Variants in C12orf42 observed in about 807,000 individuals in gnomAD.
C12orf42 encodes the protein uncharacterized protein C12orf42.
Under a neutral mutation model 21.6 loss-of-function variants are expected in C12orf42, and 25 were observed. That is an observed-to-expected ratio of 1.16 (90% confidence interval 0.84 to 1.62). The LOEUF (loss-of-function observed/expected upper bound fraction) is 1.62. Ranked by LOEUF, C12orf42 falls within the 40% of genes most tolerant of loss-of-function variation. The probability of loss-of-function intolerance (pLI) is 0.00; values close to 1 mark genes in which losing one functional copy is unlikely to be tolerated. For synonymous variants in C12orf42, 174 were observed against 175.0 expected, an observed-to-expected ratio of 0.99 and a Z score of 0.05; for missense variants, 483 against 459.3, an observed-to-expected ratio of 1.05 and a Z score of -0.47.
At chr12:103,470,105 G>A (rs544865245) in intron 2 of C12orf42, among the ~76,000 whole-genome samples, 4 of 152,294 alleles carry the variant, frequency 2.6e-5, no homozygotes, top group African/African-American at 9.6e-5. Flanking sequence ...TCCCATCCCA[G>A]CGTTCCTAAG....
intron 4 of C12orf42, among the ~76,000 whole-genome samples, chr12:103,352,438 T>A (rs1304291321): frequency 6.6e-6 from 1 of 152,166 alleles, no homozygotes; most frequent in African/African-American, 2.4e-5. Context: ...TTCAAGACTT[T>A]GCTTTTCTCC....
intron 4 of C12orf42, among the ~76,000 whole-genome samples, chr12:103,324,789 T>G (rs1216675955): frequency 6.6e-6 from 1 of 152,174 alleles, no homozygotes; most frequent in African/African-American, 2.4e-5. Flanking sequence ...ACAGAATTAT[T>G]TGGAAGAAAA....
the C12orf42 span, among the ~76,000 whole-genome samples, chr12:103,213,842 G>C: frequency 1.3e-5 from 2 of 152,154 alleles, no homozygotes; most frequent in African/African-American, 2.4e-5. Flanking sequence ...TTTAAAATCT[G>C]AGTTCTCTGC....
the C12orf42 span, among the ~76,000 whole-genome samples, chr12:103,103,059 C>T: frequency 6.6e-6 from 1 of 152,140 alleles, no homozygotes. Context: ...CTTTCCTCCA[C>T]CCTAGTATGC....
At chr12:103,530,282 C>T in the C12orf42 span, among the ~76,000 whole-genome samples, 3 of 152,168 alleles carry the variant, frequency 2.0e-5, no homozygotes, top group Non-Finnish European at 4.4e-5. Flanking sequence ...ACATGGAGCC[C>T]GGCTGACTTA....
the C12orf42 span, among the ~76,000 whole-genome samples, chr12:103,119,291 T>C: frequency 6.6e-6 from 1 of 152,214 alleles, no homozygotes; most frequent in Admixed American, 6.5e-5. Flanking sequence ...TCAGCAGTCA[T>C]TGTGATGATT....
In C12orf42 at chr12:103,458,787, C is replaced by T. The variant is rs185010636; in HGVS notation, c.78+19562G>A. Among the ~76,000 whole-genome samples, 175 of 152,252 alleles carry T rather than the reference C, an allele frequency of 1.1e-3. 2 individuals carry two copies. The highest frequency in any genetic ancestry group is 7.4e-5 in the Non-Finnish European group (5 of 68,022). ...AAGGGCTAACACTCATGGTCTATCA[C>T]TGAACTTCACCTAGTTGGGGAACTA... On this transcript the variant is annotated intron_variant, in intron 2 of 5. Transcript: ENST00000548883.
At chr12:103,530,257 C>A in the C12orf42 span, among the ~76,000 whole-genome samples, 2 of 152,274 alleles carry the variant, frequency 1.3e-5, no homozygotes, top group South Asian at 4.1e-4. Flanking sequence ...CTCTGGAATC[C>A]GAACTGTCAG....
chr12:103,489,346 C>A (rs1320259672), intron 1 of C12orf42, among the ~76,000 whole-genome samples: 1 of 152,200 alleles, frequency 6.6e-6, no homozygotes, highest in Non-Finnish European at 1.5e-5. Flanking sequence ...GGGCACCCAC[C>A]TGTATGAGGT....
the C12orf42 span, among the ~76,000 whole-genome samples, chr12:103,536,306 A>T: frequency 6.6e-6 from 1 of 152,150 alleles, no homozygotes; most frequent in Non-Finnish European, 1.5e-5. Flanking sequence ...AGATCTGTAC[A>T]TCTTGAGTTT....
rs943465872 is a variant in C12orf42 at position 103,410,808 on chromosome 12, T to C, written c.79-9133A>G. Among the ~76,000 whole-genome samples the C allele has an allele frequency of 4.3e-4, 65 of 152,188 alleles. 1 individual carries two copies. Among genetic ancestry groups the C allele is most frequent in the Admixed American group, 3.3e-4 (5 of 15,284 alleles). ...ATCAGATTAAAAGTAGAAGACTCTG[T>C]ATGTTCATGTCTATTCACACTCTTG... is the stretch of plus-strand genomic sequence containing the variant. On this transcript the variant is annotated intron_variant, in intron 2 of 5. Coordinates refer to ENST00000548883, the MANE Select transcript of C12orf42 (RefSeq NM_198521.5).
chr12:103,073,812 T>C, the C12orf42 span, among the ~76,000 whole-genome samples: 1 of 152,192 alleles, frequency 6.6e-6, no homozygotes, highest in Non-Finnish European at 1.5e-5. Context: ...GTCTCAAATG[T>C]GGGATAAGGA....
chr12:103,451,379 C>CCATGCCCAG (rs11281152), intron 2 of C12orf42, among the ~76,000 whole-genome samples: 125,599 of 151,776 alleles, frequency 0.83, 52,023 homozygotes, highest in Admixed American at 0.88. Flanking sequence ...AGTGTGCCCA[C>CCATGCCCAG]CTATTTTTTA....
intron 4 of C12orf42, among the ~76,000 whole-genome samples, chr12:103,312,810 G>T (rs558280896): frequency 2.6e-5 from 4 of 152,310 alleles, no homozygotes; most frequent in African/African-American, 9.6e-5. Context: ...ACAATAAAAT[G>T]AATCTATTTT....
chr12:103,526,629 C>A, the C12orf42 span, among the ~76,000 whole-genome samples: 1 of 152,134 alleles, frequency 6.6e-6, no homozygotes. Flanking sequence ...GCCCTAACCC[C>A]CAATGTGACT....
At chr12:103,168,177 C>T in the C12orf42 span, 2 of 436,300 alleles carry the variant, frequency 4.6e-6, no homozygotes, top group African/African-American at 4.2e-5. Context: ...AGATTCCTCC[C>T]ACTTTTCTTC....
chr12:103,535,753 G>A, the C12orf42 span, among the ~76,000 whole-genome samples: 175 of 152,240 alleles, frequency 1.1e-3, no homozygotes, highest in African/African-American at 3.8e-3. Context: ...CAGTGGGAAT[G>A]GAGGGAAGTA....
intron 2 of C12orf42, among the ~76,000 whole-genome samples, chr12:103,434,409 G>A (rs958003393): frequency 6.0e-5 from 9 of 150,966 alleles, no homozygotes; most frequent in African/African-American, 1.9e-4. Flanking sequence ...CAAGATGGCC[G>A]AATAGGAACA....
the C12orf42 span, among the ~76,000 whole-genome samples, chr12:103,513,428 C>G: frequency 6.6e-6 from 1 of 152,154 alleles, no homozygotes; most frequent in African/African-American, 2.4e-5. Context: ...CCAGATAGAT[C>G]ACTGGATTTT....
Sources: gnomAD v4.1 joint callset for allele counts (sites outside exome capture counted in the v4.1 genomes callset) on GRCh38, gnomAD v4.1.1 for gene constraint, MANE v1.5 for transcripts, NCBI Gene and HGNC (gene_info 2026-07-23, HGNC 2026-07-21) for gene names.